Variants in CCDC60 observed in about 807,000 individuals in gnomAD.
CCDC60 encodes coiled-coil domain containing 60, also known as coiled-coil domain-containing protein 60.
CCDC60 carries 54 observed loss-of-function variants against 63.5 expected under a neutral mutation model. That is an observed-to-expected ratio of 0.85 (90% CI 0.68 to 1.07). The LOEUF (loss-of-function observed/expected upper bound fraction) is 1.07, where lower values mean the gene tolerates loss of function less well. CCDC60 is among the 50% of genes least tolerant of loss of function. The pLI, the probability that CCDC60 is intolerant of heterozygous loss-of-function variation, is 0.00. For synonymous variants in CCDC60, 206 were observed against 238.8 expected (o/e 0.86, Z 1.27); for missense variants, 651 against 684.3 (o/e 0.95, Z 0.54).
At chr12:119,523,031 C>T (rs369914345) in intron 10 of CCDC60, 30 bp downstream of exon 10, 30 of 1,594,612 alleles carry the variant, frequency 1.9e-5, no homozygotes, top group African/African-American at 1.7e-4. Context: ...GAAGGAACCA[C>T]GCAAGAGGGA....
At chr12:119,486,911 T>C (rs1951454707) in intron 4 of CCDC60, among the ~76,000 whole-genome samples, 1 of 152,106 alleles carries the variant, frequency 6.6e-6, no homozygotes, top group Non-Finnish European at 1.5e-5. Context: ...CTGGGGAGTG[T>C]TGATGAGGGC....
intron 2 of CCDC60, among the ~76,000 whole-genome samples, chr12:119,449,586 T>C (rs1320230765): frequency 6.6e-6 from 1 of 152,182 alleles, no homozygotes; most frequent in African/African-American, 2.4e-5. Flanking sequence ...ATTCAAGAAT[T>C]TCAAATGGTT....
At chr12:119,520,542 C>CTTTTTT (rs11460611) in intron 9 of CCDC60, among the ~76,000 whole-genome samples, 2 of 126,868 alleles carry the variant, frequency 1.6e-5, no homozygotes, top group Non-Finnish European at 3.2e-5. Flanking sequence ...AGAGAATATT[C>CTTTTTT]TTTTTTTTTT....
At chr12:119,393,568 G>T (rs1489658267) in intron 1 of CCDC60, among the ~76,000 whole-genome samples, 1 of 152,194 alleles carries the variant, frequency 6.6e-6, no homozygotes, top group Non-Finnish European at 1.5e-5. Context: ...AAATGTAGCT[G>T]CAGTAAACAA....
At chr12:119,479,306 C>T in intron 4 of CCDC60, 105 bp downstream of exon 4, 1 of 741,826 alleles carries the variant, frequency 1.3e-6, no homozygotes, top group Non-Finnish European at 2.3e-6. Context: ...CCTTTGTCCT[C>T]TTGAAAGGGA....
At chr12:119,362,443 G>C (rs2136167167) in intron 1 of CCDC60, among the ~76,000 whole-genome samples, 1 of 152,160 alleles carries the variant, frequency 6.6e-6, no homozygotes, top group African/African-American at 2.4e-5. Flanking sequence ...ACCCACCACA[G>C]ATGTAACCAG....
chr12:119,347,215 C>G (rs1217885352), intron 1 of CCDC60, among the ~76,000 whole-genome samples: 1 of 152,122 alleles, frequency 6.6e-6, no homozygotes, highest in Non-Finnish European at 1.5e-5. Flanking sequence ...TATTTTGATA[C>G]TGGATCAATA....
chr12:119,387,027 G>GTCTCTCTC (rs373728829), intron 1 of CCDC60, among the ~76,000 whole-genome samples: 1 of 98,122 alleles, frequency 1.0e-5, no homozygotes, highest in Non-Finnish European at 2.0e-5. Context: ...CTCCCCCTCT[G>GTCTCTCTC]TCTCTCTCAC....
At chr12:119,404,388 A>C (rs1477521339) in intron 1 of CCDC60, among the ~76,000 whole-genome samples, 1 of 152,012 alleles carries the variant, frequency 6.6e-6, no homozygotes, top group Non-Finnish European at 1.5e-5. Flanking sequence ...CACTCCCACC[A>C]CAGCTACATC....
chr12:119,527,095 G>A (rs1458425508), intron 11 of CCDC60, among the ~76,000 whole-genome samples: 1 of 152,162 alleles, frequency 6.6e-6, no homozygotes, highest in African/African-American at 2.4e-5. Flanking sequence ...AAAAAAGAAT[G>A]AGATCATGTA....
At chr12:119,409,847 G>A (rs1956561106) in intron 1 of CCDC60, among the ~76,000 whole-genome samples, 1 of 151,534 alleles carries the variant, frequency 6.6e-6, no homozygotes, top group African/African-American at 2.4e-5. Flanking sequence ...CTCTCTCTGT[G>A]TGTCTCCTTC....
intron 5 of CCDC60, among the ~76,000 whole-genome samples, chr12:119,489,825 G>A (rs1224611542): frequency 6.6e-6 from 1 of 150,760 alleles, no homozygotes; most frequent in African/African-American, 2.4e-5. Flanking sequence ...TTTAGACAGA[G>A]TCTTGCTCTG....
chr12:119,503,130 CTG>C (rs1951897739), intron 6 of CCDC60, among the ~76,000 whole-genome samples: 1 of 152,124 alleles, frequency 6.6e-6, no homozygotes, highest in Non-Finnish European at 1.5e-5. Context: ...TGAGCCAAGA[CTG>C]TGCCACTGCA....
At chr12:119,537,283 C>A (rs1179635626) in intron 13 of CCDC60, among the ~76,000 whole-genome samples, 1 of 152,216 alleles carries the variant, frequency 6.6e-6, no homozygotes, top group Admixed American at 6.5e-5. Context: ...GTCTTCTCTT[C>A]ACTGTTTATT....
chr12:119,355,661 G>A (rs954035538), intron 1 of CCDC60, among the ~76,000 whole-genome samples: 2 of 152,268 alleles, frequency 1.3e-5, no homozygotes, highest in African/African-American at 4.8e-5. Flanking sequence ...TACAGCAGCA[G>A]CAGAACTGAT....
At chr12:119,430,681 A>T (rs973206669) in intron 2 of CCDC60, among the ~76,000 whole-genome samples, 1 of 151,106 alleles carries the variant, frequency 6.6e-6, no homozygotes, top group African/African-American at 2.4e-5. Context: ...AAAAAAAAAA[A>T]GTCACATGAG....
intron 13 of CCDC60, among the ~76,000 whole-genome samples, chr12:119,531,688 T>C (rs1191754094): frequency 1.3e-5 from 2 of 152,142 alleles, no homozygotes; most frequent in Non-Finnish European, 2.9e-5. Flanking sequence ...TCAGTGAGTA[T>C]GGAAGGAAGC....
rs140582976 is a variant in CCDC60, at chr12:119,530,181, A to G, written c.1362-693A>G. 1.1e-3 allele frequency among the ~76,000 whole-genome samples: 173 copies of G among 152,216 alleles called. 1 individual carries two copies. Among genetic ancestry groups the G allele is most frequent in the Non-Finnish European group, 9.1e-4 (62 of 68,012 alleles). ...TATATATCCTAGAATATAAAGCAGT[A>G]TGAGAAGCCCAAAACATATAATGGA... On this transcript the variant is annotated intron_variant, in intron 12 of 13. Coordinates refer to ENST00000327554, the MANE Select transcript of CCDC60 (RefSeq NM_178499.5).
rs571822108 is a variant in CCDC60, at chr12:119,352,734, C to T, written c.90+17468C>T. Among the ~76,000 whole-genome samples, 89 of 152,138 alleles carry T rather than the reference C, an allele frequency of 5.8e-4. 1 individual carries two copies. The highest frequency in any genetic ancestry group is 3.4e-3 in the Middle Eastern group (1 of 294). On this transcript the variant is annotated intron_variant, in intron 1 of 13. Coordinates refer to ENST00000327554, the MANE Select transcript of CCDC60 (RefSeq NM_178499.5). The stretch of plus-strand genomic sequence containing the variant: ...GGTGGATCACTGAAGGTCAGGAATT[C>T]GAGACCAGCCTGGCCAACATGGTGA...
Sources: allele counts gnomAD v4.1 joint callset (sites outside exome capture counted in the v4.1 genomes callset), GRCh38; gene constraint gnomAD v4.1.1; transcripts MANE v1.5; gene names NCBI Gene and HGNC (gene_info 2026-07-23, HGNC 2026-07-21).